The following TENM4 variants were observed in gnomAD, a reference collection of about 807,000 sequenced individuals.
TENM4 encodes teneurin-4.
A neutral mutation model predicts 243.3 loss-of-function variants in TENM4; 82 were observed. That is an observed-to-expected ratio of 0.34 (90% CI 0.28 to 0.40). TENM4 has a LOEUF of 0.40. Ranked by LOEUF, TENM4 falls within the 10% of genes least tolerant of loss-of-function variation. The pLI is 1.00. For synonymous variants in TENM4, 1,412 were observed against 1,456.3 expected (o/e 0.97, Z 0.69); for missense variants, 3,138 against 3,673.3 (o/e 0.85, Z 3.77).
intron 9 of TENM4, among the ~76,000 whole-genome samples, chr11:78,885,464 G>T (rs572583829): frequency 6.6e-6 from 1 of 152,254 alleles, no homozygotes; most frequent in East Asian, 1.9e-4. Context: ...ACTCCCAGGA[G>T]AGGAGGAGAT....
rs1857907659 is a variant in TENM4, at chr11:78,656,842, A to G, written c.*1216T>C. ...CCTGCCCCAGTCCAGCTCTGCGATCAGCTGGTACATGGAGGCAGATGGGAC... is the reference window on the plus strand; with the variant it reads ...CCTGCCCCAGTCCAGCTCTGCGATCGGCTGGTACATGGAGGCAGATGGGAC... On this transcript the variant is annotated 3_prime_UTR_variant, in exon 34 of 34. Transcript: ENST00000278550. 2.5e-6 allele frequency: 1 copy of G among 395,232 alleles called. No homozygotes were observed. Among genetic ancestry groups the G allele is most frequent in the Non-Finnish European group, 4.5e-6 (1 of 224,500 alleles). 24.5% of individuals were successfully genotyped at this position (395,232 alleles called of 1,614,324 possible). A position where few individuals can be genotyped will look rare whatever the true frequency, so the allele number is the denominator to read the frequency against.
At chr11:79,314,022 G>A (rs1486618469) in intron 1 of TENM4, among the ~76,000 whole-genome samples, 2 of 152,174 alleles carry the variant, frequency 1.3e-5, no homozygotes, top group Admixed American at 6.5e-5. Flanking sequence ...TGAGCTCTGA[G>A]AATCTAATGA....
At chr11:79,225,445 C>T (rs1452013844) in intron 2 of TENM4, among the ~76,000 whole-genome samples, 1 of 152,098 alleles carries the variant, frequency 6.6e-6, no homozygotes, top group Non-Finnish European at 1.5e-5. Context: ...ACTGGGTCTC[C>T]CATGACTCCC....
chr11:79,131,976 A>C (rs576852328), intron 4 of TENM4, among the ~76,000 whole-genome samples: 52 of 152,272 alleles, frequency 3.4e-4, no homozygotes, highest in African/African-American at 1.2e-3. Context: ...CTTGTCCAAC[A>C]GGAAAATATC....
intron 6 of TENM4, among the ~76,000 whole-genome samples, chr11:78,992,123 T>C (rs1245893707): frequency 1.3e-5 from 2 of 152,204 alleles, no homozygotes; most frequent in Admixed American, 1.3e-4. Context: ...AGAGGCAGAC[T>C]TCTGTTAGGA....
At chr11:78,691,577 A>G (rs1013405331) in intron 28 of TENM4, among the ~76,000 whole-genome samples, 12 of 152,238 alleles carry the variant, frequency 7.9e-5, no homozygotes, top group African/African-American at 2.9e-4. Flanking sequence ...CTAGAGTTTT[A>G]GTCTTGAAGA....
intron 4 of TENM4, among the ~76,000 whole-genome samples, chr11:79,131,493 G>A (rs548664613): frequency 9.9e-5 from 15 of 152,274 alleles, no homozygotes; most frequent in Non-Finnish European, 1.6e-4. Flanking sequence ...AGAATTTGCC[G>A]CTACCCAGCT....
In TENM4 at chr11:79,251,928, A is replaced by G. The variant is rs542120450; in HGVS notation, c.-264-36019T>C. On this transcript the variant is annotated intron_variant, in intron 2 of 33. Transcript: ENST00000278550. ...AATAGACTTGAGGAAATTTCCCATAATGCAGCACAGGGAACTAGATGGAAA... is the reference window on the plus strand; with the variant it reads ...AATAGACTTGAGGAAATTTCCCATAGTGCAGCACAGGGAACTAGATGGAAA... Among the ~76,000 whole-genome samples, 38 of 152,320 alleles carry G rather than the reference A, an allele frequency of 2.5e-4. No homozygotes were observed. The South Asian group carries it at 7.5e-3, about 30-fold the overall frequency.
chr11:78,899,124 T>C (rs1447019142), intron 7 of TENM4, among the ~76,000 whole-genome samples: 1 of 152,140 alleles, frequency 6.6e-6, no homozygotes, highest in Non-Finnish European at 1.5e-5. Flanking sequence ...GAAATGACAC[T>C]ATAGCATTTT....
chr11:79,322,670 T>A (rs959466663), intron 1 of TENM4, among the ~76,000 whole-genome samples: 1 of 152,200 alleles, frequency 6.6e-6, no homozygotes, highest in Non-Finnish European at 1.5e-5. Flanking sequence ...GACAAGCAGG[T>A]AATCAAAATT....
At chr11:78,789,427 C>T (rs954814455) in intron 15 of TENM4, among the ~76,000 whole-genome samples, 1 of 152,174 alleles carries the variant, frequency 6.6e-6, no homozygotes, top group Admixed American at 6.5e-5. Context: ...ATGACAATCT[C>T]CAGGCCCCAG....
intron 24 of TENM4, 89 bp downstream of exon 24, chr11:78,722,579 T>G (rs531569205): frequency 2.1e-5 from 32 of 1,527,098 alleles, no homozygotes; most frequent in Non-Finnish European, 2.7e-5. Flanking sequence ...CTATCCCACT[T>G]CCCTGGGCTC....
At chr11:78,827,932 G>A (rs1326185574) in intron 12 of TENM4, among the ~76,000 whole-genome samples, 1 of 152,198 alleles carries the variant, frequency 6.6e-6, no homozygotes, top group East Asian at 1.9e-4. Flanking sequence ...ATCTAGTTAT[G>A]TATAAGTATG....
chr11:78,833,545 T>G (rs1858029001), intron 12 of TENM4, among the ~76,000 whole-genome samples: 2 of 152,248 alleles, frequency 1.3e-5, no homozygotes, highest in Non-Finnish European at 2.9e-5. Flanking sequence ...AGCTGTCATC[T>G]GCCCAGAGCC....
intron 2 of TENM4, among the ~76,000 whole-genome samples, chr11:79,257,330 T>C (rs1855717131): frequency 6.6e-6 from 1 of 152,162 alleles, no homozygotes; most frequent in Admixed American, 6.5e-5. Context: ...GAAGTAGAGA[T>C]AATAGTTCAA....
chr11:79,171,204 G>A (rs1938947), intron 3 of TENM4, among the ~76,000 whole-genome samples: 21 of 152,286 alleles, frequency 1.4e-4, no homozygotes, highest in Admixed American at 1.4e-3. Flanking sequence ...GGTAGAGAGG[G>A]CCTAGAACCT....
At chr11:79,086,683 A>G (rs139618424) in intron 4 of TENM4, among the ~76,000 whole-genome samples, 1 of 151,924 alleles carries the variant, frequency 6.6e-6, no homozygotes, top group East Asian at 1.9e-4. Flanking sequence ...AAAATAGAAA[A>G]ATTAGCTGGG....
intron 33 of TENM4, among the ~76,000 whole-genome samples, chr11:78,660,485 G>A (rs369746907): frequency 6.6e-5 from 10 of 152,240 alleles, no homozygotes; most frequent in South Asian, 2.1e-4. Flanking sequence ...TGCCACCAGC[G>A]TACAGGGGTG....
chr11:78,774,861 T>G (rs189812284), intron 17 of TENM4, among the ~76,000 whole-genome samples: 39 of 152,332 alleles, frequency 2.6e-4, no homozygotes, highest in African/African-American at 7.9e-4. Context: ...TGCTGGACTT[T>G]GTGTTAATTC....
Sources: allele counts gnomAD v4.1 joint callset (sites outside exome capture counted in the v4.1 genomes callset), GRCh38; gene constraint gnomAD v4.1.1; transcripts MANE v1.5; gene names NCBI Gene and HGNC (gene_info 2026-07-23, HGNC 2026-07-21).